Variants in HDAC9 observed in about 807,000 individuals in gnomAD.
HDAC9 encodes the protein histone deacetylase 9, also known as MEF-2 interacting transcription repressor (MITR) protein.
HDAC9 carries 41 observed loss-of-function variants against 139.4 expected under a neutral mutation model. That is an observed-to-expected ratio of 0.29 (90% CI 0.23 to 0.38). The LOEUF (loss-of-function observed/expected upper bound fraction) is 0.38. Among genes scored for constraint, HDAC9 ranks in the 10% least tolerant of loss-of-function variants. The probability of loss-of-function intolerance (pLI) is 1.00; values close to 1 mark genes in which losing one functional copy is unlikely to be tolerated. For synonymous variants in HDAC9, 517 were observed against 476.2 expected (o/e 1.09, Z -1.12); for missense variants, 1,147 against 1,297.0 (o/e 0.88, Z 1.78).
At chr7:18,700,068 A>C (rs1783347823) in intron 12 of HDAC9, among the ~76,000 whole-genome samples, 1 of 152,122 alleles carries the variant, frequency 6.6e-6, no homozygotes, top group Admixed American at 6.6e-5. Context: ...CTCATAGATG[A>C]TGGTTATAGA....
intron 12 of HDAC9, among the ~76,000 whole-genome samples, chr7:18,709,519 T>C (rs923655511): frequency 3.9e-5 from 6 of 152,200 alleles, no homozygotes; most frequent in Non-Finnish European, 7.3e-5. Flanking sequence ...ATTTAACAAG[T>C]ATTTTTTTAA....
intron 1 of HDAC9, among the ~76,000 whole-genome samples, chr7:18,440,103 A>C (rs1406869705): frequency 6.6e-6 from 1 of 152,186 alleles, no homozygotes; most frequent in African/African-American, 2.4e-5. Context: ...GTATGGTATA[A>C]ATATAAGAAT....
rs754537655 is a variant in HDAC9, at chr7:18,496,247, C to T, written c.-41-15C>T. The T allele has an allele frequency of 1.9e-6, 3 of 1,612,660 alleles. No individual in the cohort carries two copies. The highest frequency in any genetic ancestry group is 2.2e-5 in the South Asian group (2 of 91,048). On this transcript the variant is annotated splice_polypyrimidine_tract_variant and intron_variant, in intron 1 of 25. Transcript: ENST00000686413. ...CTGCAGACAATTTACGAGAGTGACT[C>T]CTGTTTTTCCTCAGATGGGGTGGCT...
At chr7:18,603,011 A>G (rs1834406661) in intron 6 of HDAC9, among the ~76,000 whole-genome samples, 1 of 152,076 alleles carries the variant, frequency 6.6e-6, no homozygotes, top group African/African-American at 2.4e-5. Context: ...GGATTGTTAT[A>G]TCTTCTTGGA....
In HDAC9 at chr7:18,829,521, T is replaced by G; in HGVS notation, c.2439T>G (p.Asn813Lys). The change falls in exon 19 of 26, where the codon AAT (asparagine) becomes AAG (lysine). Residue 813 changes from asparagine (N) to lysine (K), a missense_variant. By Grantham distance (94) the Asn-to-Lys change is moderately conservative (BLOSUM62 0). This residue lies in a region of HDAC9 where 407 missense variants were observed against 521.5 expected (regional missense o/e 0.78). Coordinates refer to ENST00000686413, the MANE Select transcript of HDAC9 (RefSeq NM_178425.4). ...CCAAATACTTGAGAGACCAACTAAA[T>G]ATAAGCAAGATATTGATTGTAGATC... is the stretch of plus-strand genomic sequence containing the variant. Reference protein sequence around the residue: ...ITAKYLRDQLNISKILIVDLD... With the variant: ...ITAKYLRDQLKISKILIVDLD... 1 of 1,609,502 alleles carries G rather than the reference T, an allele frequency of 6.2e-7. No homozygotes were observed. The highest frequency in any genetic ancestry group is 1.1e-5 in the South Asian group (1 of 90,852).
chr7:18,941,878 T>C (rs1782052781), intron 23 of HDAC9, among the ~76,000 whole-genome samples: 1 of 152,150 alleles, frequency 6.6e-6, no homozygotes, highest in South Asian at 2.1e-4. Context: ...GGATTTATTT[T>C]TGTTTATATC....
At chr7:18,316,116 A>G (rs1368366609) in intron 1 of HDAC9, among the ~76,000 whole-genome samples, 1 of 152,134 alleles carries the variant, frequency 6.6e-6, no homozygotes, top group Non-Finnish European at 1.5e-5. Context: ...AGTCATCTGG[A>G]GATCTTTTTA....
chr7:18,156,686 A>T (rs1787230739), intron 1 of HDAC9, among the ~76,000 whole-genome samples: 1 of 152,212 alleles, frequency 6.6e-6, no homozygotes, highest in African/African-American at 2.4e-5. Context: ...AAAGTACTCC[A>T]CTAACATAAG....
chr7:18,414,813 T>A (rs1470022842), intron 1 of HDAC9, among the ~76,000 whole-genome samples: 1 of 152,232 alleles, frequency 6.6e-6, no homozygotes, highest in Admixed American at 6.5e-5. Flanking sequence ...CTATCCTGGT[T>A]GACTTTACAT....
chr7:18,196,854 C>A (rs1790764325), intron 2 of HDAC9, among the ~76,000 whole-genome samples: 1 of 151,962 alleles, frequency 6.6e-6, no homozygotes, highest in African/African-American at 2.4e-5. Context: ...AAAGTAAAAC[C>A]ATAGTGTGAT....
intron 5 of HDAC9, 63 bp downstream of exon 5, chr7:18,591,705 G>A (rs1583800902): frequency 7.6e-6 from 12 of 1,580,672 alleles, no homozygotes; most frequent in Admixed American, 1.7e-5. Flanking sequence ...GTATTTAGCC[G>A]ACCTGGGTAC....
At chr7:18,524,056 T>C (rs1348208970) in intron 2 of HDAC9, among the ~76,000 whole-genome samples, 3 of 151,970 alleles carry the variant, frequency 2.0e-5, no homozygotes, top group South Asian at 4.2e-4. Flanking sequence ...TATGAAAACA[T>C]AGAGGGGAAA....
At chr7:18,514,629 C>T (rs976863771) in intron 2 of HDAC9, among the ~76,000 whole-genome samples, 1 of 152,092 alleles carries the variant, frequency 6.6e-6, no homozygotes, top group African/African-American at 2.4e-5. Context: ...CTTTTTTCCC[C>T]AGTTTATTTT....
chr7:18,104,179 A>G (rs1363429683), intron 1 of HDAC9, among the ~76,000 whole-genome samples: 2 of 152,162 alleles, frequency 1.3e-5, no homozygotes, highest in Non-Finnish European at 2.9e-5. Context: ...TCTTTTATCA[A>G]CTTTATAATG....
At chr7:18,938,352 T>C (rs2129312360) in intron 23 of HDAC9, among the ~76,000 whole-genome samples, 2 of 152,140 alleles carry the variant, frequency 1.3e-5, no homozygotes, top group Admixed American at 1.3e-4. Context: ...TCGCAGCACT[T>C]TGGGAGGCCG....
intron 1 of HDAC9, among the ~76,000 whole-genome samples, chr7:18,135,544 T>C (rs1257223698): frequency 4.5e-5 from 6 of 134,422 alleles, no homozygotes; most frequent in African/African-American, 1.7e-4. Flanking sequence ...TGAGTGAGAA[T>C]ATGCGGTGTT....
chr7:18,711,551 C>G (rs1436398598), intron 12 of HDAC9, among the ~76,000 whole-genome samples: 1 of 152,212 alleles, frequency 6.6e-6, no homozygotes, highest in Non-Finnish European at 1.5e-5. Context: ...AGGAATGAGT[C>G]TGTGCTCAGT....
intron 2 of HDAC9, among the ~76,000 whole-genome samples, chr7:18,576,262 G>A (rs907854754): frequency 1.3e-5 from 2 of 152,182 alleles, no homozygotes; most frequent in African/African-American, 4.8e-5. Context: ...GGCCAGCCAT[G>A]TTAGAGACGG....
At chr7:18,847,746 C>T (rs766151013) in intron 21 of HDAC9, among the ~76,000 whole-genome samples, 17 of 152,314 alleles carry the variant, frequency 1.1e-4, no homozygotes, top group Admixed American at 5.9e-4. Flanking sequence ...CCATTCTGGC[C>T]GCTGCTCTGC....
Sources: allele counts gnomAD v4.1 joint callset (sites outside exome capture counted in the v4.1 genomes callset), GRCh38; gene constraint gnomAD v4.1.1; regional missense constraint gnomAD v4.1.1; transcripts MANE v1.5; gene names NCBI Gene and HGNC (gene_info 2026-07-23, HGNC 2026-07-21).